The following MRTFB variants were observed in gnomAD, a reference collection of about 807,000 sequenced individuals.
The protein encoded by MRTFB is myocardin-related transcription factor B.
MRTFB carries 29 observed loss-of-function variants against 104.2 expected under a neutral mutation model. That is an observed-to-expected ratio of 0.28 (90% CI 0.21 to 0.38). The LOEUF (loss-of-function observed/expected upper bound fraction) is 0.38. MRTFB is among the 10% of genes least tolerant of loss of function. The pLI, the probability that MRTFB is intolerant of heterozygous loss-of-function variation, is 1.00. For synonymous variants in MRTFB, 535 were observed against 519.5 expected (o/e 1.03, Z -0.41); for missense variants, 1,270 against 1,341.6 (o/e 0.95, Z 0.83).
chr16:14,159,592 A>G (rs933847957), intron 3 of MRTFB, among the ~76,000 whole-genome samples: 1 of 152,214 alleles, frequency 6.6e-6, no homozygotes, highest in African/African-American at 2.4e-5. Flanking sequence ...TCTTTATTAC[A>G]TGATCTTTGT....
At chr16:14,187,120 T>C in intron 3 of MRTFB, 2 of 1,103,440 alleles carry the variant, frequency 1.8e-6, no homozygotes, top group Non-Finnish European at 2.6e-6. Flanking sequence ...TACCATGCTA[T>C]GTGTCTGCTC....
At chr16:14,202,392 G>C (rs1370979079) in intron 3 of MRTFB, among the ~76,000 whole-genome samples, 1 of 152,036 alleles carries the variant, frequency 6.6e-6, no homozygotes, top group African/African-American at 2.4e-5. Context: ...ACAAATAAAA[G>C]AAAAATGTAT....
chr16:14,073,045 C>T (rs887787241), intron 1 of MRTFB, among the ~76,000 whole-genome samples: 2 of 152,256 alleles, frequency 1.3e-5, no homozygotes, highest in Non-Finnish European at 2.9e-5. Context: ...TGTATGTTAA[C>T]GGTGTGTGGT....
intron 2 of MRTFB, among the ~76,000 whole-genome samples, chr16:14,081,291 C>CTTT (rs995694902): frequency 6.7e-4 from 81 of 121,466 alleles, no homozygotes; most frequent in Middle Eastern, 4.4e-3. Flanking sequence ...CGTATGCTGC[C>CTTT]TTTTTTTTTT....
the MRTFB span, among the ~76,000 whole-genome samples, chr16:14,060,808 G>C: frequency 6.6e-6 from 1 of 152,082 alleles, no homozygotes; most frequent in Non-Finnish European, 1.5e-5. Flanking sequence ...AGGCGGGATA[G>C]GCTAGTGCAT....
intron 10 of MRTFB, 102 bp from the exon 11 acceptor site, chr16:14,245,426 A>G (rs534089214): frequency 8.4e-6 from 8 of 953,652 alleles, no homozygotes; most frequent in Admixed American, 8.2e-5. Context: ...ATCCATAACC[A>G]TGGTATTTTT....
At chr16:13,996,868 C>T in the MRTFB span, among the ~76,000 whole-genome samples, 1 of 152,304 alleles carries the variant, frequency 6.6e-6, no homozygotes, top group East Asian at 1.9e-4. Context: ...CTATTAGCCG[C>T]GTGGGGCCAT....
intron 2 of MRTFB, among the ~76,000 whole-genome samples, chr16:14,127,945 T>C (rs2037239246): frequency 7.5e-6 from 1 of 132,858 alleles, no homozygotes; most frequent in Non-Finnish European, 1.6e-5. Context: ...TTTTTTTTTT[T>C]TTTTTTCTTT....
intron 9 of MRTFB, among the ~76,000 whole-genome samples, chr16:14,236,247 T>C (rs2042501712): frequency 6.6e-6 from 1 of 152,148 alleles, no homozygotes; most frequent in African/African-American, 2.4e-5. Context: ...AAATAGCTAA[T>C]TGATTAATAT....
chr16:14,176,847 T>C (rs2039599229), intron 3 of MRTFB, among the ~76,000 whole-genome samples: 1 of 152,224 alleles, frequency 6.6e-6, no homozygotes, highest in African/African-American at 2.4e-5. Context: ...ATCATCATCA[T>C]CTTCATTATT....
rs1221599400 is a variant in MRTFB at position 14,260,894 on chromosome 16, ATT to A, written c.2765-13_2765-12del. ...TAAATCTTCAGTTACTAATTACTTC[ATT>A]TATTTTACACAGAGATCTCCCTCCC... On this transcript the variant is annotated splice_polypyrimidine_tract_variant and intron_variant, in intron 16 of 16. Transcript: ENST00000571589. 6.4e-7 allele frequency: 1 copy of A among 1,568,822 alleles called. No individual in the cohort carries two copies. The highest frequency in any genetic ancestry group is 1.4e-5 in the African/African-American group (1 of 72,522).
At chr16:14,178,008 G>A (rs1183125558) in intron 3 of MRTFB, among the ~76,000 whole-genome samples, 1 of 151,880 alleles carries the variant, frequency 6.6e-6, no homozygotes, top group Admixed American at 6.6e-5. Context: ...GAGAGATGGT[G>A]CAGAAATGGA....
chr16:14,016,540 A>G, the MRTFB span, among the ~76,000 whole-genome samples: 7 of 152,100 alleles, frequency 4.6e-5, no homozygotes, highest in African/African-American at 1.7e-4. Context: ...TGGGAGCCTG[A>G]AGTGGGTGGA....
chr16:14,017,715 T>A, the MRTFB span, among the ~76,000 whole-genome samples: 969 of 15,476 alleles, frequency 0.063, 82 homozygotes, highest in Non-Finnish European at 0.11. Flanking sequence ...ATATATATTT[T>A]TTTTTTTTTT....
intron 12 of MRTFB, chr16:14,248,158 C>T (rs182245983): frequency 2.1e-4 from 32 of 152,628 alleles, no homozygotes; most frequent in African/African-American, 7.5e-4. Flanking sequence ...GCATGAAATT[C>T]CCTTTTGTGC....
rs960329441 is a variant in MRTFB, at chr16:14,263,596, T to C, written c.*2152T>C. ...TATATTTCCATAATCCTGAATTGTGTAGATAGTTTTCTAGCTCTCGGGTCC... is the reference window on the plus strand; with the variant it reads ...TATATTTCCATAATCCTGAATTGTGCAGATAGTTTTCTAGCTCTCGGGTCC... On this transcript the variant is annotated 3_prime_UTR_variant, in exon 17 of 17. Transcript: ENST00000571589. 6.6e-6 allele frequency: 1 copy of C among 152,182 alleles called. No homozygotes were observed. Among genetic ancestry groups the C allele is most frequent in the African/African-American group, 2.4e-5 (1 of 41,434 alleles). The allele number at this position is 152,182 out of a possible 1,614,324, so 9.4% of individuals were successfully genotyped here.
At chr16:14,165,174 C>A (rs777240510) in intron 3 of MRTFB, among the ~76,000 whole-genome samples, 2 of 151,800 alleles carry the variant, frequency 1.3e-5, no homozygotes, top group Non-Finnish European at 2.9e-5. Context: ...TTAGAGAATT[C>A]AGTTGCTTGA....
intron 6 of MRTFB, 106 bp downstream of exon 6, chr16:14,213,726 C>G: frequency 2.5e-6 from 2 of 812,944 alleles, no homozygotes; most frequent in Admixed American, 2.9e-5. Context: ...TAACCCACAG[C>G]CTTACTTCCT....
intron 3 of MRTFB, among the ~76,000 whole-genome samples, chr16:14,174,847 C>T (rs1348420918): frequency 1.3e-5 from 2 of 152,178 alleles, no homozygotes; most frequent in Non-Finnish European, 2.9e-5. Context: ...CATTGCGTTA[C>T]ACCATCAGTG....
Sources: allele counts gnomAD v4.1 joint callset (sites outside exome capture counted in the v4.1 genomes callset), GRCh38; gene constraint gnomAD v4.1.1; transcripts MANE v1.5; gene names NCBI Gene and HGNC (gene_info 2026-07-23, HGNC 2026-07-21).